The following RSU1 variants were observed in gnomAD, a reference collection of about 807,000 sequenced individuals.
RSU1 encodes the protein Ras suppressor protein 1.
Under a neutral mutation model 31.1 loss-of-function variants are expected in RSU1, and 26 were observed. The ratio of observed to expected loss-of-function variants is 0.84; its 90% CI spans 0.61 to 1.16. The LOEUF (loss-of-function observed/expected upper bound fraction) is 1.16, where lower values mean the gene tolerates loss of function less well. Among genes scored for constraint, RSU1 ranks in the 50% most tolerant of loss-of-function variants. The pLI, the probability that RSU1 is intolerant of heterozygous loss-of-function variation, is 0.00. For missense variants in RSU1, 320 were observed against 339.1 expected, an observed-to-expected ratio of 0.94 and a Z score of 0.44; for synonymous variants, 164 against 136.3, an observed-to-expected ratio of 1.20 and a Z score of -1.41.
intron 8 of RSU1, among the ~76,000 whole-genome samples, chr10:16,595,793 C>T (rs1833601823): frequency 6.7e-6 from 1 of 148,424 alleles, no homozygotes; most frequent in Admixed American, 6.6e-5. Context: ...ATGGTGAAAC[C>T]CCATCTCTAC....
intron 3 of RSU1, among the ~76,000 whole-genome samples, chr10:16,770,211 A>T (rs1235270461): frequency 6.6e-6 from 1 of 152,112 alleles, no homozygotes; most frequent in African/African-American, 2.4e-5. Context: ...TCAAAGCCGT[A>T]AGGAGCGACA....
intron 7 of RSU1, among the ~76,000 whole-genome samples, chr10:16,733,333 TAA>T (rs569239845): frequency 0.43 from 33,663 of 78,836 alleles, 3,952 homozygotes; most frequent in East Asian, 0.57. Context: ...TCTACGACAA[TAA>T]AAAAAAAAAA....
chr10:16,769,201 G>T (rs1837375630), intron 3 of RSU1, among the ~76,000 whole-genome samples: 1 of 152,186 alleles, frequency 6.6e-6, no homozygotes, highest in South Asian at 2.1e-4. Flanking sequence ...TCTGTTCTAT[G>T]ATCTAAAATT....
intron 7 of RSU1, among the ~76,000 whole-genome samples, chr10:16,720,467 G>A (rs1423926046): frequency 6.6e-6 from 1 of 152,060 alleles, no homozygotes; most frequent in Non-Finnish European, 1.5e-5. Flanking sequence ...ATATTTTACA[G>A]CAAAAAACAA....
chr10:16,610,986 C>G (rs1833882949), intron 8 of RSU1, among the ~76,000 whole-genome samples: 2 of 152,180 alleles, frequency 1.3e-5, no homozygotes, highest in Admixed American at 1.3e-4. Context: ...ACTCCTGAAG[C>G]CCGTAAATGC....
chr10:16,770,580 G>A (rs1256402419), intron 3 of RSU1, among the ~76,000 whole-genome samples: 1 of 152,224 alleles, frequency 6.6e-6, no homozygotes, highest in Non-Finnish European at 1.5e-5. Context: ...TTTCAGAGCT[G>A]GTGATTCCTG....
intron 8 of RSU1, among the ~76,000 whole-genome samples, chr10:16,631,729 T>C (rs1834253289): frequency 6.6e-6 from 1 of 152,236 alleles, no homozygotes. Context: ...TGTTGCCAAG[T>C]GACAGCACAT....
chr10:16,703,837 T>C (rs1309120433), intron 7 of RSU1, among the ~76,000 whole-genome samples: 1 of 152,196 alleles, frequency 6.6e-6, no homozygotes, highest in Non-Finnish European at 1.5e-5. Context: ...GAATTTAAAG[T>C]GGTTATTTTT....
At chr10:16,786,582 A>T (rs1179582993) in intron 2 of RSU1, among the ~76,000 whole-genome samples, 7 of 152,042 alleles carry the variant, frequency 4.6e-5, no homozygotes, top group Non-Finnish European at 8.8e-5. Context: ...GGCCCCTCTC[A>T]GTGGTCAGAG....
At chr10:16,733,423 G>A (rs1836557714) in intron 7 of RSU1, among the ~76,000 whole-genome samples, 1 of 151,642 alleles carries the variant, frequency 6.6e-6, no homozygotes, top group Non-Finnish European at 1.5e-5. Flanking sequence ...CAGGAGTGTT[G>A]CCTGAACCCA....
chr10:16,629,955 A>T (rs906117510), intron 8 of RSU1, among the ~76,000 whole-genome samples: 5 of 152,254 alleles, frequency 3.3e-5, no homozygotes, highest in African/African-American at 2.4e-5. Flanking sequence ...TCATTTAACA[A>T]GAAATTATAA....
At chr10:16,608,449 C>T (rs1833840467) in intron 8 of RSU1, among the ~76,000 whole-genome samples, 1 of 152,158 alleles carries the variant, frequency 6.6e-6, no homozygotes. Context: ...ATCCATGCGG[C>T]TCTCACCAGG....
At chr10:16,780,002 A>C (rs1418282453) in intron 3 of RSU1, among the ~76,000 whole-genome samples, 2 of 152,138 alleles carry the variant, frequency 1.3e-5, no homozygotes, top group Non-Finnish European at 2.9e-5. Context: ...AAGAAAAGGA[A>C]AAAAAAACTG....
chr10:16,798,925 A>G (rs933474394), intron 2 of RSU1, among the ~76,000 whole-genome samples: 2 of 152,342 alleles, frequency 1.3e-5, no homozygotes, highest in African/African-American at 4.8e-5. Context: ...ATGTAAAAAG[A>G]ACACAAATTT....
Position 16,660,996 on chromosome 10 carries a change from T to A in RSU1, c.731+34027A>T, listed in dbSNP as rs968187259. Among the ~76,000 whole-genome samples, 3 of 152,160 alleles carry A rather than the reference T, an allele frequency of 2.0e-5. 1 individual carries two copies. Among genetic ancestry groups the A allele is most frequent in the South Asian group, 4.1e-4 (2 of 4,824 alleles). ...TGTAATACCCTTTTAACCTATCTAC[T>A]GAAATTTTAATTGCAATGATTATAT... is the stretch of plus-strand genomic sequence containing the variant. On this transcript the variant is annotated intron_variant, in intron 8 of 8. Coordinates refer to ENST00000345264, the MANE Select transcript of RSU1 (RefSeq NM_012425.4).
intron 8 of RSU1, among the ~76,000 whole-genome samples, chr10:16,645,528 G>C (rs945832813): frequency 6.6e-6 from 1 of 152,022 alleles, no homozygotes; most frequent in African/African-American, 2.4e-5. Context: ...TCACAATGTG[G>C]CTGGGTGCGG....
At chr10:16,673,666 G>A (rs190156135) in intron 8 of RSU1, among the ~76,000 whole-genome samples, 1 of 152,274 alleles carries the variant, frequency 6.6e-6, no homozygotes, top group East Asian at 1.9e-4. Context: ...CTCAAATGAC[G>A]CAGGTGGAAG....
chr10:16,669,209 T>C (rs913737170), intron 8 of RSU1, among the ~76,000 whole-genome samples: 3 of 152,062 alleles, frequency 2.0e-5, no homozygotes, highest in Non-Finnish European at 2.9e-5. Flanking sequence ...ACTCCTAATA[T>C]GTTACAGAAG....
At chr10:16,619,828 A>G (rs968286273) in intron 8 of RSU1, among the ~76,000 whole-genome samples, 5 of 152,240 alleles carry the variant, frequency 3.3e-5, no homozygotes, top group African/African-American at 4.8e-5. Context: ...TTAGAAATTC[A>G]CAAGGGAGTT....
Sources: allele counts gnomAD v4.1 joint callset (sites outside exome capture counted in the v4.1 genomes callset), GRCh38; gene constraint gnomAD v4.1.1; transcripts MANE v1.5; gene names NCBI Gene and HGNC (gene_info 2026-07-23, HGNC 2026-07-21).